NUBP2: variants seen among roughly 807,000 people sequenced by gnomAD.
NUBP2 encodes NUBP iron-sulfur cluster assembly factor 2, cytosolic, also known as cytosolic Fe-S cluster assembly factor NUBP2.
Under a neutral mutation model 24.9 loss-of-function variants are expected in NUBP2, and 23 were observed. The ratio of observed to expected loss-of-function variants is 0.92; its 90% CI spans 0.66 to 1.31. NUBP2 has a LOEUF of 1.31. Ranked by LOEUF, NUBP2 falls within the 50% of genes most tolerant of loss-of-function variation. NUBP2 has a pLI of 0.00. For missense variants in NUBP2, 403 were observed against 386.5 expected (o/e 1.04, Z -0.36); for synonymous variants, 186 against 170.9 (o/e 1.09, Z -0.69).
chr16:1,788,936 A>C lies in NUBP2; in HGVS notation c.*222A>C. 1.8e-6 allele frequency: 1 copy of C among 558,768 alleles called. No homozygotes were observed. The highest frequency in any genetic ancestry group is 2.9e-5 in the South Asian group (1 of 34,970). The allele number at this position is 558,768 out of a possible 1,614,324, so 34.6% of individuals were successfully genotyped here. A position where few individuals can be genotyped will look rare whatever the true frequency, so the allele number is the denominator to read the frequency against. On this transcript the variant is annotated 3_prime_UTR_variant, in exon 7 of 7. Transcript: ENST00000262302. ...GTGGTCTGCGTGCTCTGCAGCTGTG[A>C]GACGGGGGCGGCCTGGGCTCTCTTC...
Position 1,788,177 on chromosome 16 carries a change from C to T in NUBP2, c.640C>T (p.Leu214=). 6.6e-7 allele frequency: 1 copy of T among 1,523,518 alleles called. No homozygotes were observed. The highest frequency in any genetic ancestry group is 8.8e-7 in the Non-Finnish European group (1 of 1,139,686). The allele number at this position is 1,523,518 out of a possible 1,614,324, so 94.4% of individuals were successfully genotyped here. Residue 214 remains leucine (L), a synonymous_variant, in exon 6 of 7, where the codon CTG becomes TTG. Coordinates refer to ENST00000262302, the MANE Select transcript of NUBP2 (RefSeq NM_012225.4). ...CTTCTCCAGGGGCGGCGGAGAGGAG[C>T]TGGCCCAGCTCGCCGGGGTGCCCTT... is the stretch of plus-strand genomic sequence containing the variant. ...SVFSRGGGEE[L]AQLAGVPFLG... is the part of the protein sequence containing the mutation.
rs556128298 is a variant in NUBP2 at position 1,786,080 on chromosome 16, G to A, written c.17-457G>A. 506 of 975,024 alleles carry A rather than the reference G, an allele frequency of 5.2e-4. 2 individuals carry two copies. The highest frequency in any genetic ancestry group is 6.2e-4 in the Non-Finnish European group (464 of 753,356). 60.4% of individuals were successfully genotyped at this position (975,024 alleles called of 1,614,324 possible). ...CGGGGACGCTGGTGTGTGACAACGC[G>A]TGGTTGTTGCCACCCACCCTGGGCC... is the stretch of plus-strand genomic sequence containing the variant. On this transcript the variant is annotated intron_variant, in intron 1 of 6. Coordinates refer to ENST00000262302, the MANE Select transcript of NUBP2 (RefSeq NM_012225.4).
chr16:1,783,340 C>G, intron 1 of NUBP2: 1 of 1,106,854 alleles, frequency 9.0e-7, no homozygotes, highest in Non-Finnish European at 1.1e-6. Flanking sequence ...CCTGTGGGCC[C>G]CGCTATCCTG....
At chr16:1,783,548 C>A in intron 1 of NUBP2, 2 of 974,312 alleles carry the variant, frequency 2.1e-6, no homozygotes, top group Non-Finnish European at 2.4e-6. Context: ...GGGGACGATC[C>A]GTTCGCCAGA....
rs900196620 is a variant in NUBP2 at position 1,783,162 on chromosome 16, G to A, written c.16+126G>A. On this transcript the variant is annotated intron_variant, in intron 1 of 6. Transcript: ENST00000262302. Reference sequence around the variant, plus strand: ...CGACCATCACCGGCCGGCGTGGCTGGGCCGGGCCAGAGGCCGCGGCGCGGG... The same window carrying A: ...CGACCATCACCGGCCGGCGTGGCTGAGCCGGGCCAGAGGCCGCGGCGCGGG... The A allele has an allele frequency of 1.3e-5, 15 of 1,192,116 alleles. No individual in the cohort carries two copies. The African/African-American group carries it at 2.4e-4, about 19-fold the overall frequency. The allele number at this position is 1,192,116 out of a possible 1,614,324, so 73.8% of individuals were successfully genotyped here.
At chr16:1,785,875 G>C (rs986648121) in intron 1 of NUBP2, 1 of 1,289,030 alleles carries the variant, frequency 7.8e-7, no homozygotes, top group Non-Finnish European at 1.0e-6. Flanking sequence ...CTGGAGACAA[G>C]GGGCATGGCC....
Position 1,788,204 on chromosome 16 carries a change from T to C in NUBP2, c.667T>C (p.Leu223=). ...GGCCCAGCTCGCCGGGGTGCCCTTCTTAGGTGAGTGTCCCAAGCTGGTGCT... is the reference window on the plus strand; with the variant it reads ...GGCCCAGCTCGCCGGGGTGCCCTTCCTAGGTGAGTGTCCCAAGCTGGTGCT... ...ELAQLAGVPF[L]GSVPLDPALM... Residue 223 remains leucine, a synonymous_variant, in exon 6 of 7, where the codon TTA becomes CTA. Coordinates refer to ENST00000262302, the MANE Select transcript of NUBP2 (RefSeq NM_012225.4). 3 of 1,487,130 alleles carry C rather than the reference T, an allele frequency of 2.0e-6. No individual in the cohort carries two copies. The highest frequency in any genetic ancestry group is 2.6e-5 in the Admixed American group (1 of 38,000). 92.1% of individuals were successfully genotyped at this position (1,487,130 alleles called of 1,614,324 possible). A position where few individuals can be genotyped will look rare whatever the true frequency, so the allele number is the denominator to read the frequency against.
Position 1,783,078 on chromosome 16 carries a change from C to T in NUBP2, c.16+42C>T, listed in dbSNP as rs115879663. 4,137 of 1,238,878 alleles carry T rather than the reference C, an allele frequency of 3.3e-3. 108 individuals carry two copies. In the African/African-American group the frequency reaches 0.059, roughly 18 times the overall value. The allele number at this position is 1,238,878 out of a possible 1,614,324, so 76.7% of individuals were successfully genotyped here. On this transcript the variant is annotated intron_variant, in intron 1 of 6. Coordinates refer to ENST00000262302, the MANE Select transcript of NUBP2 (RefSeq NM_012225.4). ...GGTGCGGAGCCGCTCCAGGGCCTCG[C>T]TTGGGGCCCCGCCGCGTCCCTTCCC...
At chr16:1,786,995 G>C in intron 3 of NUBP2, 40 bp downstream of exon 3, 1 of 1,481,766 alleles carries the variant, frequency 6.7e-7, no homozygotes, top group Non-Finnish European at 9.0e-7. Flanking sequence ...TGGTGAAGGG[G>C]GTTAGCGTCC....
rs769823389 is a variant in NUBP2 at position 1,786,981 on chromosome 16, G to A, written c.334+26G>A. 2.7e-5 allele frequency: 41 copies of A among 1,500,246 alleles called. No homozygotes were observed. The African/African-American group carries it at 3.2e-4, about 12-fold the overall frequency. 92.9% of individuals were successfully genotyped at this position (1,500,246 alleles called of 1,614,324 possible). ...GTAACGGCCGGGCGGCGCGTCCGCC[G>A]TCCTGGTGAAGGGGGTTAGCGTCCG... On this transcript the variant is annotated intron_variant, in intron 3 of 6. Coordinates refer to ENST00000262302, the MANE Select transcript of NUBP2 (RefSeq NM_012225.4).
chr16:1,787,585 C>G, intron 3 of NUBP2, 92 bp from the exon 4 acceptor site: 3 of 1,513,620 alleles, frequency 2.0e-6, no homozygotes, highest in Non-Finnish European at 2.7e-6. Flanking sequence ...GGACTGCAGC[C>G]CCTCGGCCTG....
At chr16:1,787,878 G>A in intron 4 of NUBP2, 47 bp downstream of exon 4, 1 of 1,601,236 alleles carries the variant, frequency 6.2e-7, no homozygotes. Context: ...GCTTCCCAGA[G>A]GGCTGGGCGG....
intron 1 of NUBP2, chr16:1,786,273 G>A: frequency 1.9e-6 from 1 of 519,132 alleles, no homozygotes; most frequent in Non-Finnish European, 3.5e-6. Context: ...GAGAGGAGTT[G>A]GGCAGTTTCC....
intron 1 of NUBP2, chr16:1,785,042 A>G: frequency 2.1e-5 from 20 of 946,420 alleles, no homozygotes; most frequent in South Asian, 4.8e-5. Context: ...ACAGAATGAG[A>G]CCCCCTCTCA....
intron 1 of NUBP2, chr16:1,785,598 G>T: frequency 7.8e-7 from 1 of 1,279,258 alleles, no homozygotes; most frequent in Non-Finnish European, 1.0e-6. Context: ...TTGCCCCAGG[G>T]GTGACCGGGA....
In NUBP2 at chr16:1,784,084, A is replaced by T. The variant is rs987992001; in HGVS notation, c.16+1048A>T. 7 of 891,702 alleles carry T rather than the reference A, an allele frequency of 7.9e-6. No individual in the cohort carries two copies. The Admixed American group carries it at 3.1e-4, about 40-fold the overall frequency. The allele number at this position is 891,702 out of a possible 1,614,324, so 55.2% of individuals were successfully genotyped here. A position where few individuals can be genotyped will look rare whatever the true frequency, so the allele number is the denominator to read the frequency against. On this transcript the variant is annotated intron_variant, in intron 1 of 6. Transcript: ENST00000262302. ...ACTACAAAGTAAGGATATTACTGAG[A>T]TTGATAGAAGCTTTTTTTTTTTTTT... is the stretch of plus-strand genomic sequence containing the variant.
chr16:1,788,708 C>A lies in NUBP2; in HGVS notation c.810C>A (p.Leu270=). 6.2e-7 allele frequency: 1 copy of A among 1,609,810 alleles called. No individual in the cohort carries two copies. Among genetic ancestry groups the A allele is most frequent in the Non-Finnish European group, 8.5e-7 (1 of 1,178,134 alleles). Residue 270 remains leucine (L), a synonymous_variant, in exon 7 of 7, where the codon CTC becomes CTA. Transcript: ENST00000262302. The stretch of plus-strand genomic sequence containing the variant: ...TTCTGGACGCGACGCCCGCGTGCCT[C>A]CCCTGACTAAGGCCACCTTGCAGCC... ...QKILDATPAC[L]P
In NUBP2 at chr16:1,788,018, G is replaced by A. The variant is rs759310190; in HGVS notation, c.567G>A (p.Glu189=). Residue 189 remains glutamate, a synonymous_variant, in exon 5 of 7, where the codon GAG becomes GAA. Transcript: ENST00000262302. ...GCTTGCGGGTGATGGGAATCGTGGA[G>A]AATATGAGCGGCTTCACCTGCCCAC... ...KTGLRVMGIV[E]NMSGFTCPHC... is the part of the protein sequence containing the mutation. 3.7e-6 allele frequency: 6 copies of A among 1,601,610 alleles called. No individual in the cohort carries two copies. In the South Asian group the frequency reaches 6.7e-5, roughly 18 times the overall value.
intron 1 of NUBP2, chr16:1,783,982 G>T: frequency 1.0e-6 from 1 of 984,100 alleles, no homozygotes; most frequent in Non-Finnish European, 1.2e-6. Context: ...CGTGAGCCAC[G>T]GCGCCTGGCC....
Sources: allele counts gnomAD v4.1 joint callset, GRCh38; gene constraint gnomAD v4.1.1; transcripts MANE v1.5; gene names NCBI Gene and HGNC (gene_info 2026-07-23, HGNC 2026-07-21).